Variants in FRYL observed in about 807,000 individuals in gnomAD.
FRYL encodes the protein protein furry homolog-like.
A neutral mutation model predicts 351.2 loss-of-function variants in FRYL; 150 were observed. The observed-to-expected ratio is 0.43, with a 90% confidence interval of 0.37 to 0.49. The LOEUF (loss-of-function observed/expected upper bound fraction) is 0.49, where lower values mean the gene tolerates loss of function less well. Ranked by LOEUF, FRYL falls within the 20% of genes least tolerant of loss-of-function variation. The pLI is 0.00. For synonymous variants in FRYL, 1,153 were observed against 1,257.1 expected (o/e 0.92, Z 1.75); for missense variants, 3,036 against 3,619.3 (o/e 0.84, Z 4.13).
intron 22 of FRYL, among the ~76,000 whole-genome samples, chr4:48,579,826 T>C (rs553033262): frequency 6.6e-6 from 1 of 152,292 alleles, no homozygotes; most frequent in African/African-American, 2.4e-5. Context: ...ATGTTTTGAA[T>C]TGTATAGATC....
intron 27 of FRYL, among the ~76,000 whole-genome samples, chr4:48,568,574 AT>A (rs904398272): frequency 8.7e-5 from 13 of 149,752 alleles, no homozygotes; most frequent in African/African-American, 2.5e-4. Context: ...TTTAAAGGTA[AT>A]TTTTTTTTTA....
chr4:48,555,747 T>C (rs1156560602), intron 35 of FRYL, among the ~76,000 whole-genome samples: 2 of 152,186 alleles, frequency 1.3e-5, no homozygotes, highest in African/African-American at 4.8e-5. Context: ...CCTACAGTTC[T>C]CTAAGCACTT....
chr4:48,542,760 C>T (rs1158519292), intron 44 of FRYL, among the ~76,000 whole-genome samples: 1 of 152,074 alleles, frequency 6.6e-6, no homozygotes, highest in Non-Finnish European at 1.5e-5. Flanking sequence ...TGACCACTTT[C>T]CTCTACCTCC....
intron 5 of FRYL, among the ~76,000 whole-genome samples, chr4:48,621,214 T>C (rs892641155): frequency 1.3e-5 from 2 of 152,208 alleles, no homozygotes; most frequent in African/African-American, 4.8e-5. Context: ...GACTACATTA[T>C]GTAAGAACTG....
At chr4:48,683,419 TA>T (rs76907554) in intron 3 of FRYL, among the ~76,000 whole-genome samples, 4,495 of 137,190 alleles carry the variant, frequency 0.033, 71 homozygotes, top group Admixed American at 0.053. Flanking sequence ...AAAGTATAAT[TA>T]AAAAAAAAAA....
chr4:48,709,925 T>C (rs1316905690), intron 2 of FRYL, among the ~76,000 whole-genome samples: 1 of 152,226 alleles, frequency 6.6e-6, no homozygotes, highest in African/African-American at 2.4e-5. Context: ...TGGCTCAAAA[T>C]GAACCTATTT....
At chr4:48,778,702 C>T (rs1466041683) in intron 1 of FRYL, among the ~76,000 whole-genome samples, 1 of 152,198 alleles carries the variant, frequency 6.6e-6, no homozygotes, top group Non-Finnish European at 1.5e-5. Flanking sequence ...TAGTTTTTAT[C>T]AATAGTAAAA....
chr4:48,673,068 A>G (rs1287769691), intron 3 of FRYL, among the ~76,000 whole-genome samples: 1 of 152,182 alleles, frequency 6.6e-6, no homozygotes, highest in Non-Finnish European at 1.5e-5. Context: ...ACCTAGGGAG[A>G]GGTATACCAG....
chr4:48,653,383 T>C (rs953712339), intron 3 of FRYL, among the ~76,000 whole-genome samples: 8 of 152,182 alleles, frequency 5.3e-5, no homozygotes, highest in African/African-American at 1.9e-4. Flanking sequence ...CTGCAGAGAT[T>C]AGAATCTATT....
chr4:48,507,585 G>A (rs951019781), intron 59 of FRYL, among the ~76,000 whole-genome samples: 6 of 152,064 alleles, frequency 3.9e-5, no homozygotes, highest in African/African-American at 1.4e-4. Context: ...ACCCGCCCCA[G>A]TGCTTACTCT....
chr4:48,543,717 T>A (rs1730728044), intron 44 of FRYL, 90 bp downstream of exon 44: 1 of 1,109,500 alleles, frequency 9.0e-7, no homozygotes, highest in Admixed American at 2.4e-5. Context: ...ATGCCCATTA[T>A]CTTGCTCTAG....
At chr4:48,597,931 C>G (rs1372877750) in intron 13 of FRYL, among the ~76,000 whole-genome samples, 1 of 152,118 alleles carries the variant, frequency 6.6e-6, no homozygotes, top group Non-Finnish European at 1.5e-5. Context: ...TTTATCTGAG[C>G]TTTAAACAAA....
chr4:48,553,640 CTT>C (rs909475046), intron 35 of FRYL, among the ~76,000 whole-genome samples: 2 of 142,354 alleles, frequency 1.4e-5, no homozygotes, highest in African/African-American at 5.1e-5. Flanking sequence ...ACTTTATGCA[CTT>C]TCTTTACTTT....
At chr4:48,765,516 T>G (rs1774859556) in intron 1 of FRYL, among the ~76,000 whole-genome samples, 1 of 152,042 alleles carries the variant, frequency 6.6e-6, no homozygotes, top group African/African-American at 2.4e-5. Context: ...GATTAAAGAC[T>G]TAAACATAAG....
chr4:48,656,132 C>A (rs1251480509), intron 3 of FRYL, among the ~76,000 whole-genome samples: 3 of 130,428 alleles, frequency 2.3e-5, no homozygotes, highest in African/African-American at 2.8e-5. Context: ...ATAATATATA[C>A]AATATATACA....
intron 19 of FRYL, 79 bp downstream of exon 19, chr4:48,586,542 T>C (rs1742148792): frequency 7.7e-6 from 7 of 904,580 alleles, no homozygotes; most frequent in Non-Finnish European, 1.1e-5. Context: ...TTTTTAGTGA[T>C]AACAGTAACA....
chr4:48,698,659 AG>A (rs1463074367), intron 2 of FRYL, among the ~76,000 whole-genome samples: 1 of 152,260 alleles, frequency 6.6e-6, no homozygotes, highest in Non-Finnish European at 1.5e-5. Context: ...TTTCCAAGTT[AG>A]TAACAAAACA....
chr4:48,715,772 T>G (rs939624711), intron 1 of FRYL, among the ~76,000 whole-genome samples: 2 of 152,154 alleles, frequency 1.3e-5, no homozygotes, highest in Admixed American at 1.3e-4. Context: ...GGAAAAAAAC[T>G]ACTTTAAAGT....
intron 43 of FRYL, 151 bp downstream of exon 43, chr4:48,544,632 C>T: frequency 7.5e-6 from 4 of 535,114 alleles, no homozygotes; most frequent in South Asian, 6.4e-5. Flanking sequence ...AATTTTTCTT[C>T]AGTGAAAACA....
Sources: gnomAD v4.1 joint callset for allele counts (sites outside exome capture counted in the v4.1 genomes callset) on GRCh38, gnomAD v4.1.1 for gene constraint, MANE v1.5 for transcripts, NCBI Gene and HGNC (gene_info 2026-07-23, HGNC 2026-07-21) for gene names.